The following SPATS2L variants were observed in gnomAD, a reference collection of about 807,000 sequenced individuals.
SPATS2L encodes the protein spermatogenesis associated serine rich 2 like.
A neutral mutation model predicts 59.6 loss-of-function variants in SPATS2L; 30 were observed. The ratio of observed to expected loss-of-function variants is 0.50; its 90% CI spans 0.38 to 0.68. The LOEUF (loss-of-function observed/expected upper bound fraction) is 0.68. Among genes scored for constraint, SPATS2L ranks in the 30% least tolerant of loss-of-function variants. The pLI, the probability that SPATS2L is intolerant of heterozygous loss-of-function variation, is 0.00. For missense variants in SPATS2L, 615 were observed against 700.0 expected (o/e 0.88, Z 1.37); for synonymous variants, 252 against 263.5 (o/e 0.96, Z 0.42).
rs557534629 is a variant in SPATS2L, at chr2:200,470,009, C to T, written c.1053C>T (p.Cys351=). 3.9e-5 allele frequency: 63 copies of T among 1,606,400 alleles called. No homozygotes were observed. The Admixed American group carries it at 7.5e-4, about 19-fold the overall frequency. The change falls in exon 11 of 13, where the codon TGC becomes TGT. Residue 351 remains cysteine (C), a synonymous_variant. Transcript: ENST00000409140. ...AGCTGAAGGCCCAAATCATGCTCTGCGGAGAAAGTGAGTTTTGCATATTTG... is the reference window on the plus strand; with the variant it reads ...AGCTGAAGGCCCAAATCATGCTCTGTGGAGAAAGTGAGTTTTGCATATTTG... ...IEQLKAQIML[C]GEITHPKNNY...
chr2:200,325,246 TTCTC>T (rs2079696010), intron 1 of SPATS2L, among the ~76,000 whole-genome samples: 1 of 152,242 alleles, frequency 6.6e-6, no homozygotes, highest in Non-Finnish European at 1.5e-5. Context: ...TGTGGTTTCT[TTCTC>T]TATCCTCAAA....
chr2:200,453,536 G>A (rs559339882), intron 8 of SPATS2L, among the ~76,000 whole-genome samples: 102 of 152,324 alleles, frequency 6.7e-4, no homozygotes, highest in Admixed American at 1.9e-3. Context: ...GGCCTTAAAT[G>A]TATAAAGGAA....
At chr2:200,467,584 G>A (rs1185672056) in intron 10 of SPATS2L, among the ~76,000 whole-genome samples, 185 bp downstream of exon 10, 2 of 152,168 alleles carry the variant, frequency 1.3e-5, no homozygotes, top group African/African-American at 4.8e-5. Flanking sequence ...TAAGTGTAAT[G>A]TGCTTTGAAG....
chr2:200,373,175 C>T (rs950154361), intron 2 of SPATS2L: 4 of 149,188 alleles, frequency 2.7e-5, no homozygotes, highest in Admixed American at 6.8e-5. Flanking sequence ...AAACTAACTA[C>T]GTTGGTCTGA....
intron 2 of SPATS2L, among the ~76,000 whole-genome samples, chr2:200,361,507 T>C (rs1256481803): frequency 6.6e-6 from 1 of 152,196 alleles, no homozygotes; most frequent in Admixed American, 6.5e-5. Context: ...CCTCAGTAAC[T>C]AAAATGATTA....
Position 200,478,940 on chromosome 2 carries a change from T to G in SPATS2L, c.*909T>G. ...TTCTTTTTTTGAGACAGTCTTGCTT[T>G]GTCACCCAGGTGGAGTGCAATGGCA... On this transcript the variant is annotated 3_prime_UTR_variant, in exon 13 of 13. Transcript: ENST00000409140. The G allele has an allele frequency of 6.6e-6, 1 of 152,260 alleles. No individual in the cohort carries two copies. Among genetic ancestry groups the G allele is most frequent in the Admixed American group, 6.6e-5 (1 of 15,264 alleles). The allele number at this position is 152,260 out of a possible 1,614,324, so 9.4% of individuals were successfully genotyped here.
intron 8 of SPATS2L, among the ~76,000 whole-genome samples, chr2:200,442,689 G>GA (rs1244492990): frequency 6.6e-6 from 1 of 152,160 alleles, no homozygotes; most frequent in Non-Finnish European, 1.5e-5. Context: ...CAGCTGCTCT[G>GA]AGTACTTCTT....
chr2:200,357,315 G>A (rs2080948920), intron 2 of SPATS2L, among the ~76,000 whole-genome samples: 1 of 152,132 alleles, frequency 6.6e-6, no homozygotes, highest in South Asian at 2.1e-4. Context: ...TTTAGGCTCT[G>A]CTGGAGCCCT....
chr2:200,338,969 G>A (rs1229085197), intron 2 of SPATS2L, among the ~76,000 whole-genome samples: 1 of 152,188 alleles, frequency 6.6e-6, no homozygotes, highest in Non-Finnish European at 1.5e-5. Flanking sequence ...TGGGTCAGAA[G>A]TGTTATCTTT....
chr2:200,447,933 A>T (rs1449791073), intron 8 of SPATS2L, among the ~76,000 whole-genome samples: 1 of 152,228 alleles, frequency 6.6e-6, no homozygotes, highest in Non-Finnish European at 1.5e-5. Flanking sequence ...TGAAGACAAA[A>T]ATCAAGAGTT....
At position 200,481,457 on chromosome 2, in the gene SPATS2L, G is replaced by T. The variant is rs1186406336; in HGVS notation, c.*3426G>T. The T allele has an allele frequency of 2.0e-5, 3 of 152,132 alleles. No individual in the cohort carries two copies. The highest frequency in any genetic ancestry group is 4.4e-5 in the Non-Finnish European group (3 of 68,028). 9.4% of individuals were successfully genotyped at this position (152,132 alleles called of 1,614,324 possible). ...GCAGTTCTTTTCCTAAATCGATTCG[G>T]TGCTCCCCACCCCGACGCAGGCACA... On this transcript the variant is annotated 3_prime_UTR_variant, in exon 13 of 13. Transcript: ENST00000409140.
At chr2:200,384,073 T>C (rs1036270288) in intron 2 of SPATS2L, 17 of 878,642 alleles carry the variant, frequency 1.9e-5, no homozygotes, top group Admixed American at 6.2e-5. Flanking sequence ...GAAACATAAA[T>C]ATATATTTTT....
At chr2:200,318,239 C>T (rs2079444883) in intron 1 of SPATS2L, among the ~76,000 whole-genome samples, 1 of 152,104 alleles carries the variant, frequency 6.6e-6, no homozygotes, top group African/African-American at 2.4e-5. Flanking sequence ...TTGCAAATGC[C>T]CTGATCTGGC....
In SPATS2L at chr2:200,479,613, CTT is replaced by C; in HGVS notation, c.*1584_*1585del. The C allele has an allele frequency of 5.0e-6, 2 of 398,660 alleles. No homozygotes were observed. The highest frequency in any genetic ancestry group is 1.3e-4 in the South Asian group (1 of 7,858). 24.7% of individuals were successfully genotyped at this position (398,660 alleles called of 1,614,324 possible). A position where few individuals can be genotyped will look rare whatever the true frequency, so the allele number is the denominator to read the frequency against. The stretch of plus-strand genomic sequence containing the variant: ...CCCAAAATAGCCCCAGTTCCCCTAA[CTT>C]TGACTACAGGGCAGTCCAGTTTGGG... On this transcript the variant is annotated 3_prime_UTR_variant, in exon 13 of 13. Coordinates refer to ENST00000409140, the MANE Select transcript of SPATS2L (RefSeq NM_001100423.2).
At chr2:200,449,289 C>A (rs1003434420) in intron 8 of SPATS2L, among the ~76,000 whole-genome samples, 22 of 152,148 alleles carry the variant, frequency 1.4e-4, no homozygotes, top group Non-Finnish European at 3.2e-4. Context: ...ACTGAACTGG[C>A]CTTTTCAGTT....
chr2:200,336,655 G>C (rs900443760), intron 2 of SPATS2L, among the ~76,000 whole-genome samples: 3 of 152,004 alleles, frequency 2.0e-5, no homozygotes, highest in Non-Finnish European at 2.9e-5. Flanking sequence ...ATGTGTATCC[G>C]ATACATAACA....
At chr2:200,474,964 A>G (rs529458399) in intron 12 of SPATS2L, among the ~76,000 whole-genome samples, 2 of 152,326 alleles carry the variant, frequency 1.3e-5, no homozygotes, top group South Asian at 4.1e-4. Flanking sequence ...GCATGCTGCC[A>G]GTCAGTACTC....
chr2:200,326,599 CCCT>C (rs1559040981), intron 1 of SPATS2L, among the ~76,000 whole-genome samples: 1 of 152,180 alleles, frequency 6.6e-6, no homozygotes, highest in Non-Finnish European at 1.5e-5. Flanking sequence ...ATTGTGGAAT[CCCT>C]TTCAGAGCCA....
At chr2:200,468,755 T>A (rs928289184) in intron 10 of SPATS2L, among the ~76,000 whole-genome samples, 2 of 152,218 alleles carry the variant, frequency 1.3e-5, no homozygotes, top group African/African-American at 4.8e-5. Flanking sequence ...GTTTCCCCAG[T>A]ATATCTCCTT....
Sources: allele counts gnomAD v4.1 joint callset (sites outside exome capture counted in the v4.1 genomes callset), GRCh38; gene constraint gnomAD v4.1.1; transcripts MANE v1.5; gene names NCBI Gene and HGNC (gene_info 2026-07-23, HGNC 2026-07-21).